The following COCH variants were observed in gnomAD, a reference collection of about 807,000 sequenced individuals.
COCH encodes the protein coagulation factor C homolog, cochlin (Limulus polyphemus).
Under a neutral mutation model 54.8 loss-of-function variants are expected in COCH, and 40 were observed. That is an observed-to-expected ratio of 0.73 (90% confidence interval 0.57 to 0.95). COCH has a LOEUF of 0.95. Among genes scored for constraint, COCH ranks in the 40% least tolerant of loss-of-function variants. The pLI is 0.00. For synonymous variants in COCH, 256 were observed against 237.9 expected (o/e 1.08, Z -0.70); for missense variants, 605 against 675.0 (o/e 0.90, Z 1.15).
intron 10 of COCH, 49 bp from the exon 11 acceptor site, chr14:30,885,747 A>G: frequency 6.2e-7 from 1 of 1,608,644 alleles, no homozygotes; most frequent in Non-Finnish European, 8.5e-7. Context: ...TTTTAAGAAG[A>G]AACAACTTTT....
chr14:30,878,711 C>T (rs1895460517), intron 4 of COCH, 100 bp from the exon 5 acceptor site: 1 of 1,532,330 alleles, frequency 6.5e-7, no homozygotes, highest in Non-Finnish European at 9.0e-7. Context: ...GAGCTATTTT[C>T]TTGATTAATC....
At chr14:30,881,118 G>A (rs1258869964) in intron 8 of COCH, among the ~76,000 whole-genome samples, 3 of 151,418 alleles carry the variant, frequency 2.0e-5, no homozygotes, top group Non-Finnish European at 4.4e-5. Flanking sequence ...GGGAGGCTGA[G>A]GCAGGAGAAT....
At chr14:30,878,783 C>CA (rs1895463980) in intron 4 of COCH, 28 bp from the exon 5 acceptor site, 1 of 1,613,926 alleles carries the variant, frequency 6.2e-7, no homozygotes, top group Non-Finnish European at 8.5e-7. Flanking sequence ...GTGTGGATAG[C>CA]ATCTCAGCTG....
chr14:30,891,059 A>G (rs1253178145), downstream of COCH, among the ~76,000 whole-genome samples: 1 of 152,044 alleles, frequency 6.6e-6, no homozygotes, highest in Non-Finnish European at 1.5e-5. Flanking sequence ...AAAAAAATAA[A>G]AAGACACAAG....
chr14:30,880,547 TTGAGAC>T, intron 7 of COCH, 34 bp from the exon 8 acceptor site: 1 of 1,614,168 alleles, frequency 6.2e-7, no homozygotes, highest in Non-Finnish European at 8.5e-7. Context: ...CTCCCTCCTC[TTGAGAC>T]TGCTAATGAG....
At chr14:30,888,675 C>G (rs1442943684) in intron 11 of COCH, among the ~76,000 whole-genome samples, 1 of 151,670 alleles carries the variant, frequency 6.6e-6, no homozygotes, top group Non-Finnish European at 1.5e-5. Context: ...GTAGTCCCAG[C>G]TATTTGAGGA....
At chr14:30,889,517 C>A (rs751002031) in intron 11 of COCH, 99 bp from the exon 12 acceptor site, 2 of 1,057,026 alleles carry the variant, frequency 1.9e-6, no homozygotes, top group African/African-American at 1.6e-5. Context: ...AAGCAGTTTT[C>A]GCTGCAACTA....
chr14:30,895,599 A>C, downstream of COCH: 1 of 1,610,072 alleles, frequency 6.2e-7, no homozygotes, highest in Non-Finnish European at 8.5e-7. Flanking sequence ...GAACAAATAA[A>C]ATTTGTTACT....
At position 30,877,017 on chromosome 14, in the gene COCH, A is replaced by T. The variant is rs1362986112; in HGVS notation, c.83-555A>T. Among the ~76,000 whole-genome samples the T allele has an allele frequency of 6.6e-6, 1 of 152,080 alleles. No individual in the cohort carries two copies. Among genetic ancestry groups the T allele is most frequent in the Non-Finnish European group, 1.5e-5 (1 of 68,008 alleles). On this transcript the variant is annotated intron_variant, in intron 3 of 11. Coordinates refer to ENST00000396618, the MANE Select transcript of COCH (RefSeq NM_004086.3). This position sits in a 1 kb window ranked among gnomAD's most constrained non-coding sequence, Gnocchi z 8.6. ...GAGATGAGGTCTTGCTATGTTGTCC[A>T]GACTGGTCTTGACCTCCTGGACTCA...
rs1403042327 is a variant in COCH at position 30,886,028 on chromosome 14, A to T, written c.1193A>T (p.Glu398Val). The T allele has an allele frequency of 6.2e-7, 1 of 1,614,246 alleles. No homozygotes were observed. Among genetic ancestry groups the T allele is most frequent in the Admixed American group, 1.7e-5 (1 of 60,034 alleles). The stretch of plus-strand genomic sequence containing the variant: ...GTTTCCAACATAGCCAAGACTTTTG[A>T]AATCTCGGACATTGGTGCCAAGATA... Reference protein sequence around the residue: ...EFVSNIAKTFEISDIGAKIAA... With the variant: ...EFVSNIAKTFVISDIGAKIAA... Residue 398 changes from glutamate (E) to valine (V), a missense_variant, in exon 11 of 12, where the codon GAA becomes GTA. Transcript: ENST00000396618.
intron 9 of COCH, chr14:30,885,190 A>C: frequency 2.8e-6 from 3 of 1,078,996 alleles, no homozygotes; most frequent in Non-Finnish European, 4.0e-6. Context: ...TGTGAAGATA[A>C]ATAGGCCTGG....
chr14:30,888,232 A>C lies in COCH; in HGVS notation c.1478-1384A>C, dbSNP rs535233604. ...TGAGGAAAACTGAGGGGGAGGAAAA[A>C]AATATTTTGACTTTTTTTTTTTTTA... On this transcript the variant is annotated intron_variant, in intron 11 of 11. Coordinates refer to ENST00000396618, the MANE Select transcript of COCH (RefSeq NM_004086.3). Among the ~76,000 whole-genome samples, 5 of 152,078 alleles carry C rather than the reference A, an allele frequency of 3.3e-5. No individual in the cohort carries two copies. The South Asian group carries it at 1.0e-3, about 32-fold the overall frequency.
rs1452567276 is a variant in COCH at position 30,885,803 on chromosome 14, G to C, written c.968G>C (p.Cys323Ser). The stretch of plus-strand genomic sequence containing the variant: ...ATGTGTCTCCCCCATTAGGCTGTCT[G>C]TCGGAATAATGGCTTCTTCTCTTAC... ...QDVTFVDKAV[C>S]RNNGFFSYHM... The change falls in exon 11 of 12, where the codon TGT (cysteine) becomes TCT (serine). Residue 323 changes from cysteine to serine, a missense_variant. Cys to Ser is a moderately radical substitution (Grantham distance 112, BLOSUM62 -1). Transcript: ENST00000396618. 1.9e-6 allele frequency: 3 copies of C among 1,614,014 alleles called. No homozygotes were observed.
At chr14:30,894,319 A>C (rs1896070434), downstream of COCH, 1 of 152,504 alleles carries the variant, frequency 6.6e-6, no homozygotes, top group Non-Finnish European at 1.5e-5. Context: ...CTTGGTTTGT[A>C]ATTTAAACTA....
intron 8 of COCH, among the ~76,000 whole-genome samples, chr14:30,883,717 G>C (rs1252579588): frequency 1.3e-5 from 2 of 152,116 alleles, no homozygotes; most frequent in African/African-American, 4.8e-5. Flanking sequence ...AAACACAACA[G>C]ATTGTGCTGT....
chr14:30,884,991 CAGAA>C (rs1210221352), intron 9 of COCH: 1 of 1,598,152 alleles, frequency 6.3e-7, no homozygotes, highest in Non-Finnish European at 8.5e-7. Context: ...GCAGATGTGG[CAGAA>C]AGAATGAGTA....
At chr14:30,875,621 T>TGG in intron 3 of COCH, 1 of 313,954 alleles carries the variant, frequency 3.2e-6, no homozygotes, top group Non-Finnish European at 5.7e-6. Flanking sequence ...GCACTCGCGG[T>TGG]CTCACTCTAC....
At chr14:30,888,906 A>G (rs1895886233) in intron 11 of COCH, among the ~76,000 whole-genome samples, 1 of 152,160 alleles carries the variant, frequency 6.6e-6, no homozygotes, top group Non-Finnish European at 1.5e-5. Context: ...CTAGTAACTA[A>G]AGTGAATGGA....
Position 30,885,350 on chromosome 14 carries a change from G to T in COCH, c.734-44G>T. The T allele has an allele frequency of 2.1e-6, 3 of 1,459,744 alleles. No individual in the cohort carries two copies. The South Asian group carries it at 3.4e-5, about 17-fold the overall frequency. The allele number at this position is 1,459,744 out of a possible 1,614,324, so 90.4% of individuals were successfully genotyped here. ...CTACAGGGAAACAGAAATGTGGTTT[G>T]AGCAGTGGTAAAGGCTATTTGTTTG... On this transcript the variant is annotated intron_variant, in intron 9 of 11. Coordinates refer to ENST00000396618, the MANE Select transcript of COCH (RefSeq NM_004086.3).
Sources: gnomAD v4.1 joint callset for allele counts (sites outside exome capture counted in the v4.1 genomes callset) on GRCh38, gnomAD v4.1.1 for gene constraint, Gnocchi (gnomAD v3.1) non-coding constraint, MANE v1.5 for transcripts, NCBI Gene and HGNC (gene_info 2026-07-23, HGNC 2026-07-21) for gene names.